The following STK36 variants were observed in gnomAD, a reference collection of about 807,000 sequenced individuals.
STK36 encodes serine/threonine-protein kinase 36.
In STK36, 116 loss-of-function variants were observed where a neutral mutation model predicts 142.2. The observed-to-expected ratio is 0.82, with a 90% CI of 0.70 to 0.95. STK36 has a LOEUF of 0.95. STK36 is among the 40% of genes least tolerant of loss of function. STK36 has a pLI of 0.00. For missense variants in STK36, 1,422 were observed against 1,617.2 expected, an observed-to-expected ratio of 0.88 and a Z score of 2.07; for synonymous variants, 619 against 641.7, an observed-to-expected ratio of 0.96 and a Z score of 0.53.
intron 14 of STK36, among the ~76,000 whole-genome samples, chr2:218,691,100 C>T (rs536642979): frequency 9.9e-5 from 15 of 152,026 alleles, no homozygotes; most frequent in African/African-American, 2.7e-4. Flanking sequence ...TGTCTAACCT[C>T]GTTTGTCCTG....
intron 14 of STK36, among the ~76,000 whole-genome samples, chr2:218,690,828 AAGAAGATGCAGTTAACCACTGC>A (rs1397037946): frequency 6.6e-6 from 1 of 152,214 alleles, no homozygotes; most frequent in Non-Finnish European, 1.5e-5. Flanking sequence ...GTATTTTATG[AAGAAGATGCAGTTAACCACTGC>A]AGAAGATGCA....
chr2:218,695,765 T>C (rs1941209977), intron 21 of STK36, among the ~76,000 whole-genome samples: 1 of 151,556 alleles, frequency 6.6e-6, no homozygotes, highest in Admixed American at 6.6e-5. Flanking sequence ...CTCGAACTCC[T>C]GACCTCAAGT....
At chr2:218,672,282 G>T in intron 1 of STK36, 67 bp downstream of exon 1, 1 of 481,700 alleles carries the variant, frequency 2.1e-6, no homozygotes, top group Middle Eastern at 5.9e-4. Flanking sequence ...GTCAGGCAAC[G>T]TATGCAGGCA....
At chr2:218,686,086 G>C (rs563581485) in intron 11 of STK36, among the ~76,000 whole-genome samples, 3 of 151,716 alleles carry the variant, frequency 2.0e-5, no homozygotes, top group Non-Finnish European at 1.5e-5. Flanking sequence ...TTACAGGCTC[G>C]TGCCACCACG....
intron 10 of STK36, among the ~76,000 whole-genome samples, chr2:218,684,218 T>A (rs984527010): frequency 4.6e-5 from 7 of 151,014 alleles, no homozygotes; most frequent in African/African-American, 1.2e-4. Flanking sequence ...TTCAAGCGAT[T>A]ATCCTGCCTC....
chr2:218,672,593 G>T, intron 1 of STK36, 148 bp from the exon 2 acceptor site: 1 of 476,772 alleles, frequency 2.1e-6, no homozygotes, highest in Non-Finnish European at 3.8e-6. Context: ...GATGAAAGTG[G>T]GGAGGAACTA....
Position 218,680,555 on chromosome 2 carries a change from A to C in STK36, c.1137-48A>C, listed in dbSNP as rs1940469820. On this transcript the variant is annotated intron_variant, in intron 9 of 26. Coordinates refer to ENST00000295709, the MANE Select transcript of STK36 (RefSeq NM_015690.5). Reference sequence around the variant, plus strand: ...GAGAGGGACAAGTTAACGAACCCTAAGAGTCATAGGTTTGGAACCCGTTCT... The same window carrying C: ...GAGAGGGACAAGTTAACGAACCCTACGAGTCATAGGTTTGGAACCCGTTCT... 4 of 1,499,214 alleles carry C rather than the reference A, an allele frequency of 2.7e-6. No homozygotes were observed. In the East Asian group the frequency reaches 7.0e-5, roughly 26 times the overall value. 92.9% of individuals were successfully genotyped at this position (1,499,214 alleles called of 1,614,324 possible).
intron 26 of STK36, among the ~76,000 whole-genome samples, chr2:218,700,998 C>A (rs1344007652): frequency 6.9e-6 from 1 of 143,966 alleles, no homozygotes; most frequent in African/African-American, 2.6e-5. Flanking sequence ...GGTGACATAG[C>A]GAGACTCTGT....
intron 26 of STK36, among the ~76,000 whole-genome samples, chr2:218,699,631 A>C (rs2106368290): frequency 6.6e-6 from 1 of 152,260 alleles, no homozygotes; most frequent in South Asian, 2.1e-4. Context: ...AGGGAAGACT[A>C]AGAGATGCTG....
chr2:218,699,426 G>C lies in STK36; in HGVS notation c.3804+78G>C, dbSNP rs1941364917. The C allele has an allele frequency of 3.3e-6, 5 of 1,535,698 alleles. No individual in the cohort carries two copies. The East Asian group carries it at 1.1e-4, about 35-fold the overall frequency. On this transcript the variant is annotated intron_variant, in intron 26 of 26. Transcript: ENST00000295709. ...AACATTTCTCTGAGATCATCTGTAAGGAATTGGAATCGGGACATGGAGAAA... is the reference window on the plus strand; with the variant it reads ...AACATTTCTCTGAGATCATCTGTAACGAATTGGAATCGGGACATGGAGAAA...
At chr2:218,692,480 C>CCAAG in intron 15 of STK36, 103 bp from the exon 16 acceptor site, 1 of 1,516,232 alleles carries the variant, frequency 6.6e-7, no homozygotes, top group African/African-American at 1.4e-5. Context: ...TCTTCCCACT[C>CCAAG]CCTTAGGTTC....
Position 218,697,616 on chromosome 2 carries a change from TTTGAGC to T in STK36, c.2909+8_2909+13del, listed in dbSNP as rs1473836815. On this transcript the variant is annotated splice_region_variant and intron_variant, in intron 24 of 26. Transcript: ENST00000295709. ...CTGAATCAACTGCGCCAGGCGTGAG[TTTGAGC>T]TAGAAGAGAGCCACAGAGTCAGCAA... 6.2e-7 allele frequency: 1 copy of T among 1,613,908 alleles called. No individual in the cohort carries two copies. Among genetic ancestry groups the T allele is most frequent in the South Asian group, 1.1e-5 (1 of 91,064 alleles).
chr2:218,688,609 A>G lies in STK36; in HGVS notation c.1381-88A>G, dbSNP rs73079058. 0.012 allele frequency: 16,742 copies of G among 1,450,656 alleles called. 1,599 individuals are homozygous for G. In the African/African-American group the frequency reaches 0.21, roughly 18 times the overall value. The allele number at this position is 1,450,656 out of a possible 1,614,324, so 89.9% of individuals were successfully genotyped here. ...ATGCAAGCATGTGGTCTGCTTTCCCAGCTCCTTGGGGATGCTTGGTATGTG... is the reference window on the plus strand; with the variant it reads ...ATGCAAGCATGTGGTCTGCTTTCCCGGCTCCTTGGGGATGCTTGGTATGTG... On this transcript the variant is annotated intron_variant, in intron 11 of 26. Coordinates refer to ENST00000295709, the MANE Select transcript of STK36 (RefSeq NM_015690.5).
intron 12 of STK36, 84 bp downstream of exon 12, chr2:218,688,960 G>C (rs1375840932): frequency 7.4e-7 from 1 of 1,349,790 alleles, no homozygotes; most frequent in Non-Finnish European, 9.9e-7. Flanking sequence ...ATCTCTCTTT[G>C]GTCTGACTGC....
In STK36 at chr2:218,685,081, T is replaced by C; in HGVS notation, c.1237-4T>C. 6.2e-7 allele frequency: 1 copy of C among 1,614,036 alleles called. No individual in the cohort carries two copies. The highest frequency in any genetic ancestry group is 1.1e-5 in the South Asian group (1 of 91,066). On this transcript the variant is annotated splice_polypyrimidine_tract_variant and splice_region_variant and intron_variant, in intron 10 of 26. Coordinates refer to ENST00000295709, the MANE Select transcript of STK36 (RefSeq NM_015690.5). ...CTGACCCCTTTCACTCCCCTCTGCC[T>C]CAGGAGCCAGACAGTGACAATGAGT...
At position 218,694,624 on chromosome 2, in the gene STK36, G is replaced by A. The variant is rs1417693981; in HGVS notation, c.2500G>A (p.Ala834Thr). Residue 834 changes from alanine (A) to threonine (T), a missense_variant, in exon 21 of 27, where the codon GCC (alanine) becomes ACC (threonine). Physicochemically the swap from Ala to Thr is moderately conservative, Grantham distance 58 (BLOSUM62 0). Coordinates refer to ENST00000295709, the MANE Select transcript of STK36 (RefSeq NM_015690.5). This position sits in a 1 kb window ranked among gnomAD's most constrained non-coding sequence, Gnocchi z 4.4. ...WMAAATHALS[A>T]PAEVRLTPPG... ...GGCTGCAGCCACACATGCCTTGTCTGCCCCTGCAGAGGTGAGGCCCCCCAG... is the reference window on the plus strand; with the variant it reads ...GGCTGCAGCCACACATGCCTTGTCTACCCCTGCAGAGGTGAGGCCCCCCAG... The A allele has an allele frequency of 6.2e-7, 1 of 1,614,060 alleles. No homozygotes were observed. The highest frequency in any genetic ancestry group is 1.7e-5 in the Admixed American group (1 of 60,012).
At chr2:218,677,764 A>G (rs1940321422) in intron 6 of STK36, among the ~76,000 whole-genome samples, 1 of 152,150 alleles carries the variant, frequency 6.6e-6, no homozygotes, top group Non-Finnish European at 1.5e-5. Flanking sequence ...GGAGGAGGGA[A>G]GAGTAGAAGA....
At chr2:218,682,535 C>T (rs549054471) in intron 10 of STK36, among the ~76,000 whole-genome samples, 6 of 152,186 alleles carry the variant, frequency 3.9e-5, no homozygotes, top group South Asian at 2.1e-4. Context: ...CAGTAATGTG[C>T]GTTATGAAAA....
intron 11 of STK36, chr2:218,688,403 A>C: frequency 1.8e-6 from 1 of 560,692 alleles, no homozygotes; most frequent in Non-Finnish European, 3.4e-6. Context: ...GAAGGGCTGG[A>C]GAAGGGAGGG....
Sources: gnomAD v4.1 joint callset for allele counts (sites outside exome capture counted in the v4.1 genomes callset) on GRCh38, gnomAD v4.1.1 for gene constraint, Gnocchi (gnomAD v3.1) non-coding constraint, MANE v1.5 for transcripts, NCBI Gene and HGNC (gene_info 2026-07-23, HGNC 2026-07-21) for gene names.